ADCY7: variants seen among roughly 807,000 people sequenced by gnomAD.
ADCY7 encodes the protein adenylate cyclase 7.
ADCY7 carries 72 observed loss-of-function variants against 120.6 expected under a neutral mutation model. The ratio of observed to expected loss-of-function variants is 0.60; its 90% CI spans 0.49 to 0.73. The LOEUF (loss-of-function observed/expected upper bound fraction) is 0.73. Ranked by LOEUF, ADCY7 falls within the 30% of genes least tolerant of loss-of-function variation. ADCY7 has a pLI of 0.00. For synonymous variants in ADCY7, 661 were observed against 628.0 expected (o/e 1.05, Z -0.78); for missense variants, 1,227 against 1,486.0 (o/e 0.83, Z 2.87).
At position 50,293,198 on chromosome 16, in the gene ADCY7, G is replaced by C. The variant is rs954523847; in HGVS notation, c.688-156G>C. ...TCAGTTGGGTTGGTGGAGGACAAGAGCAGAGATGGGGACATTGTGGGCAGG... is the reference window on the plus strand; with the variant it reads ...TCAGTTGGGTTGGTGGAGGACAAGACCAGAGATGGGGACATTGTGGGCAGG... On this transcript the variant is annotated intron_variant, in intron 5 of 25. Coordinates refer to ENST00000673801, the MANE Select transcript of ADCY7 (RefSeq NM_001114.5). 3.0e-4 allele frequency among the ~76,000 whole-genome samples: 46 copies of C among 152,190 alleles called. 1 individual carries two copies. Among genetic ancestry groups the C allele is most frequent in the African/African-American group, 1.1e-3 (45 of 41,438 alleles).
chr16:50,253,975 G>C (rs374907194), intron 1 of ADCY7, among the ~76,000 whole-genome samples: 1 of 152,098 alleles, frequency 6.6e-6, no homozygotes, highest in African/African-American at 2.4e-5. Context: ...GTCTGTCTCT[G>C]TCTCTCTCTG....
Position 50,311,717 on chromosome 16 carries a change from G to C in ADCY7, c.2379G>C (p.Lys793Asn), listed in dbSNP as rs983789512. The C allele has an allele frequency of 6.2e-7, 1 of 1,611,742 alleles. No individual in the cohort carries two copies. Among genetic ancestry groups the C allele is most frequent in the African/African-American group, 1.3e-5 (1 of 74,210 alleles). ...TTSGTPSCSW[K>N]DLKTMTNFYL... ...GTGGCACCCCTAGCTGTTCCTGGAA[G>C]GACCTGAAGACCATGACCAATTTCT... The change falls in exon 20 of 26, where the codon AAG (lysine) becomes AAC (asparagine). Residue 793 changes from lysine (K) to asparagine (N), a missense_variant. By Grantham distance (94) the Lys-to-Asn change is moderately conservative (BLOSUM62 0). Around this residue, in one of 5 missense-constraint regions of ADCY7, gnomAD observed 267 missense variants for 270.0 expected, o/e 0.99. Coordinates refer to ENST00000673801, the MANE Select transcript of ADCY7 (RefSeq NM_001114.5).
upstream of ADCY7, among the ~76,000 whole-genome samples, chr16:50,265,274 A>T (rs980692735): frequency 2.0e-5 from 3 of 152,068 alleles, no homozygotes; most frequent in Non-Finnish European, 4.4e-5. Flanking sequence ...GACATTTGCT[A>T]GGGAGACATT....
intron 13 of ADCY7, 27 bp downstream of exon 13, chr16:50,305,613 C>T (rs777045209): frequency 1.8e-5 from 28 of 1,574,222 alleles, no homozygotes; most frequent in Non-Finnish European, 2.4e-5. Flanking sequence ...CTGTCCACCC[C>T]CCTCTCCTCT....
At chr16:50,308,949 T>C (rs1469036186) in intron 17 of ADCY7, 157 bp downstream of exon 17, 1 of 929,868 alleles carries the variant, frequency 1.1e-6, no homozygotes, top group Non-Finnish European at 1.5e-6. Context: ...TCAGGGCTCC[T>C]CACCTTTGGG....
At chr16:50,308,210 T>C (rs1238218470) in intron 15 of ADCY7, 117 bp from the exon 16 acceptor site, 62 of 1,576,202 alleles carry the variant, frequency 3.9e-5, no homozygotes, top group Non-Finnish European at 5.4e-5. Flanking sequence ...TCCCCTTTGC[T>C]GTGGGCAGAA....
Position 50,308,655 on chromosome 16 carries a change from G to C in ADCY7, c.1936-12G>C. The C allele has an allele frequency of 6.2e-7, 1 of 1,606,638 alleles. No individual in the cohort carries two copies. Among genetic ancestry groups the C allele is most frequent in the Non-Finnish European group, 8.5e-7 (1 of 1,176,132 alleles). ...TGTTGGCTCTGGGTGACTTGACCCT[G>C]TTACCCCACAGAGGTGCTGCCCAGC... is the stretch of plus-strand genomic sequence containing the variant. On this transcript the variant is annotated splice_polypyrimidine_tract_variant and intron_variant, in intron 16 of 25. Transcript: ENST00000673801.
intron 1 of ADCY7, among the ~76,000 whole-genome samples, chr16:50,255,952 A>G (rs1441378694): frequency 1.3e-5 from 2 of 152,374 alleles, no homozygotes; most frequent in South Asian, 2.1e-4. Context: ...AGACTTAAAC[A>G]TAAGACCTGA....
Position 50,305,858 on chromosome 16 carries a change from C to G in ADCY7, c.1752+9C>G, listed in dbSNP as rs752407073. On this transcript the variant is annotated intron_variant, in intron 14 of 25. Coordinates refer to ENST00000673801, the MANE Select transcript of ADCY7 (RefSeq NM_001114.5). ...AGGGCTTTGAGCGCGAGGTGAGGGC[C>G]CCCAGCAGCCTCCTCCGCAGAGGGA... The G allele has an allele frequency of 1.2e-6, 2 of 1,613,428 alleles. No homozygotes were observed. The highest frequency in any genetic ancestry group is 1.7e-6 in the Non-Finnish European group (2 of 1,179,806).
At chr16:50,289,623 G>A (rs560960383) in intron 2 of ADCY7, among the ~76,000 whole-genome samples, 4 of 152,214 alleles carry the variant, frequency 2.6e-5, no homozygotes, top group African/African-American at 7.2e-5. Flanking sequence ...ATGCCACCAC[G>A]CCTGGCTAAT....
chr16:50,289,964 G>A (rs1036929911), intron 2 of ADCY7, among the ~76,000 whole-genome samples: 2 of 152,170 alleles, frequency 1.3e-5, no homozygotes, highest in Non-Finnish European at 2.9e-5. Flanking sequence ...CGGACCTCCC[G>A]GATGCTGTGC....
At chr16:50,246,864 AC>A (rs1374026761) in intron 1 of ADCY7, among the ~76,000 whole-genome samples, 3 of 151,990 alleles carry the variant, frequency 2.0e-5, no homozygotes, top group African/African-American at 7.3e-5. Flanking sequence ...TGTTCCCTTT[AC>A]TGGTTTATGT....
intron 1 of ADCY7, among the ~76,000 whole-genome samples, chr16:50,247,415 G>T (rs1320076617): frequency 6.6e-6 from 1 of 152,116 alleles, no homozygotes; most frequent in Non-Finnish European, 1.5e-5. Flanking sequence ...AGGCTGAAGT[G>T]CAGTGGCACA....
In ADCY7 at chr16:50,307,125, G is replaced by A. The variant is rs145933417; in HGVS notation, c.1828G>A (p.Val610Ile). 5.5e-4 allele frequency: 894 copies of A among 1,612,084 alleles called. 1 individual carries two copies. The highest frequency in any genetic ancestry group is 6.9e-4 in the Non-Finnish European group (813 of 1,179,984). ...CCTGATCTTCGTCTGCATCCTGCTCGTCCATGTCCTGCTCATGCCCAGGTC... is the reference window on the plus strand; with the variant it reads ...CCTGATCTTCGTCTGCATCCTGCTCATCCATGTCCTGCTCATGCCCAGGTC... ...ASLIFVCILL[V>I]HVLLMPRTAA... The change falls in exon 15 of 26, where the codon GTC (valine) becomes ATC (isoleucine). Residue 610 changes from valine (V) to isoleucine (I), a missense_variant. This residue lies in a region of ADCY7 where 332 missense variants were observed against 455.8 expected (regional missense o/e 0.73). Coordinates refer to ENST00000673801, the MANE Select transcript of ADCY7 (RefSeq NM_001114.5).
chr16:50,308,942 G>C (rs921590958), intron 17 of ADCY7, 150 bp downstream of exon 17: 14 of 965,792 alleles, frequency 1.4e-5, no homozygotes, highest in Non-Finnish European at 1.9e-5. Flanking sequence ...TGTACACTCA[G>C]GGCTCCTCAC....
At chr16:50,258,109 A>G (rs2032964916) in intron 1 of ADCY7, among the ~76,000 whole-genome samples, 3 of 152,114 alleles carry the variant, frequency 2.0e-5, no homozygotes, top group Admixed American at 2.0e-4. Context: ...TGCACTTGTA[A>G]TGTAACCTCC....
In ADCY7 at chr16:50,307,067, C is replaced by T. The variant is rs772324368; in HGVS notation, c.1770C>T (p.Ile590=). The T allele has an allele frequency of 3.1e-6, 5 of 1,608,616 alleles. No individual in the cohort carries two copies. The highest frequency in any genetic ancestry group is 3.3e-5 in the Admixed American group (2 of 59,962). The change falls in exon 15 of 26, where the codon ATC becomes ATT. Residue 590 remains isoleucine (I), a synonymous_variant. Transcript: ENST00000673801. The part of the protein sequence containing the change: ...GFEREYRLAP[I]PRARHDFACA... ...GCCCCCAGTACCGCCTGGCACCCATCCCCCGGGCCCGCCACGACTTTGCCT... is the reference window on the plus strand; with the variant it reads ...GCCCCCAGTACCGCCTGGCACCCATTCCCCGGGCCCGCCACGACTTTGCCT...
Position 50,312,249 on chromosome 16 carries a change from G to T in ADCY7, c.2604+58G>T, listed in dbSNP as rs190447997. The T allele has an allele frequency of 1.1e-5, 17 of 1,586,480 alleles. No individual in the cohort carries two copies. In the African/African-American group the frequency reaches 2.1e-4, roughly 20 times the overall value. On this transcript the variant is annotated intron_variant, in intron 21 of 25. Transcript: ENST00000673801. ...GAGGCGGACGGTCCAGGCGCAGTCC[G>T]TAGGGTGAAGGTGTGGAGCTGGAGT...
chr16:50,275,012 C>T (rs2033795784), intron 1 of ADCY7, among the ~76,000 whole-genome samples: 1 of 152,216 alleles, frequency 6.6e-6, no homozygotes, highest in Admixed American at 6.5e-5. Flanking sequence ...CACTCCTCTG[C>T]ATTCCATGGG....
Sources: allele counts gnomAD v4.1 joint callset (sites outside exome capture counted in the v4.1 genomes callset), GRCh38; gene constraint gnomAD v4.1.1; regional missense constraint gnomAD v4.1.1; transcripts MANE v1.5; gene names NCBI Gene and HGNC (gene_info 2026-07-23, HGNC 2026-07-21).